The following CCPG1 variants were observed in gnomAD, a reference collection of about 807,000 sequenced individuals.
CCPG1 encodes the protein cell cycle progression protein 1.
Under a neutral mutation model 81.3 loss-of-function variants are expected in CCPG1, and 46 were observed. The ratio of observed to expected loss-of-function variants is 0.57; its 90% confidence interval spans 0.45 to 0.72. The LOEUF is 0.72. Among genes scored for constraint, CCPG1 ranks in the 30% least tolerant of loss-of-function variants. CCPG1 has a pLI of 0.00. For synonymous variants in CCPG1, 330 were observed against 305.2 expected (o/e 1.08, Z -0.85); for missense variants, 902 against 937.6 (o/e 0.96, Z 0.50).
At position 55,380,229 on chromosome 15, in the gene CCPG1, T is replaced by C. The variant is rs115706160; in HGVS notation, c.176-1853A>G. 4.7e-3 allele frequency among the ~76,000 whole-genome samples: 707 copies of C among 150,788 alleles called. 9 individuals are homozygous for C. Among genetic ancestry groups the C allele is most frequent in the African/African-American group, 0.017 (675 of 40,490 alleles). On this transcript the variant is annotated intron_variant, in intron 3 of 8. Transcript: ENST00000442196. Reference sequence around the variant, plus strand: ...TTCTAGATAAAAGAATTATAGACCATTTTAAATTTCTTTTGCTTACTATTT... The same window carrying C: ...TTCTAGATAAAAGAATTATAGACCACTTTAAATTTCTTTTGCTTACTATTT...
chr15:55,378,159 T>A (rs2056604736), intron 4 of CCPG1, 141 bp downstream of exon 4: 1 of 473,200 alleles, frequency 2.1e-6, no homozygotes, highest in Non-Finnish European at 3.7e-6. Context: ...TGCTTAGATG[T>A]CCTCTAAGAC....
At chr15:55,408,060 C>T (rs896511199) in intron 1 of CCPG1, 161 bp downstream of exon 1, 1 of 152,486 alleles carries the variant, frequency 6.6e-6, no homozygotes, top group African/African-American at 2.4e-5. Flanking sequence ...GGAGGTCGCC[C>T]GTGCGGCCGC....
Position 55,356,332 on chromosome 15 carries a change from G to C in CCPG1, c.2312C>G (p.Pro771Arg). Reference protein sequence around the residue: ...HRKQEQKHLQPQPYKREGKWH... With the variant: ...HRKQEQKHLQRQPYKREGKWH... ...TTTACCTTCCCTTTTATAAGGCTGT[G>C]GCTGAAGGTGCTTCTGCTCTTGTTT... The change falls in exon 9 of 9, where the codon CCA (proline) becomes CGA (arginine). Residue 771 changes from proline to arginine, a missense_variant. Coordinates refer to ENST00000442196, the MANE Select transcript of CCPG1 (RefSeq NM_001204450.2). 1 of 1,535,554 alleles carries C rather than the reference G, an allele frequency of 6.5e-7. No individual in the cohort carries two copies. Among genetic ancestry groups the C allele is most frequent in the Non-Finnish European group, 8.7e-7 (1 of 1,146,760 alleles).
At position 55,368,119 on chromosome 15, in the gene CCPG1, A is replaced by G. The variant is rs544858310; in HGVS notation, c.707-2810T>C. On this transcript the variant is annotated intron_variant, in intron 6 of 8. Coordinates refer to ENST00000442196, the MANE Select transcript of CCPG1 (RefSeq NM_001204450.2). ...CAGGTATATGGAGAGGTGACTTTTCATATATGTGAGGTCCGCAGTCAAGGG... is the reference window on the plus strand; with the variant it reads ...CAGGTATATGGAGAGGTGACTTTTCGTATATGTGAGGTCCGCAGTCAAGGG... Among the ~76,000 whole-genome samples, 3 of 152,316 alleles carry G rather than the reference A, an allele frequency of 2.0e-5. No homozygotes were observed. In the East Asian group the frequency reaches 5.8e-4, roughly 29 times the overall value.
intron 2 of CCPG1, 50 bp downstream of exon 2, chr15:55,389,315 G>A (rs2056867777): frequency 1.6e-6 from 2 of 1,259,718 alleles, no homozygotes; most frequent in South Asian, 1.2e-5. Context: ...TTACATCACT[G>A]GTAACATTAA....
chr15:55,356,266 T>C lies in CCPG1; in HGVS notation c.2378A>G (p.Asn793Ser). The part of the protein sequence containing the change: ...YGRTNGRQMA[N>S]LEIELGQLPF... ...TAATTGCCCCAATTCTATTTCAAGA[T>C]TTGCCATTTGTCTTCCATTAGTGCG... is the stretch of plus-strand genomic sequence containing the variant. Residue 793 changes from asparagine to serine, a missense_variant, in exon 9 of 9, where the codon AAT becomes AGT. Asn to Ser is a conservative substitution (Grantham distance 46). Coordinates refer to ENST00000442196, the MANE Select transcript of CCPG1 (RefSeq NM_001204450.2). 2.0e-6 allele frequency: 3 copies of C among 1,535,078 alleles called. No homozygotes were observed. Among genetic ancestry groups the C allele is most frequent in the Non-Finnish European group, 2.6e-6 (3 of 1,146,462 alleles).
intron 6 of CCPG1, among the ~76,000 whole-genome samples, chr15:55,369,356 A>C (rs1463411402): frequency 6.6e-6 from 1 of 151,990 alleles, no homozygotes; most frequent in Non-Finnish European, 1.5e-5. Context: ...ACCAACATGG[A>C]GAAACCCCAT....
intron 6 of CCPG1, among the ~76,000 whole-genome samples, chr15:55,370,201 C>T (rs1410882981): frequency 2.6e-5 from 4 of 152,146 alleles, no homozygotes; most frequent in South Asian, 4.1e-4. Flanking sequence ...TCTAACATTA[C>T]GCTATGTTGA....
intron 1 of CCPG1, among the ~76,000 whole-genome samples, chr15:55,402,564 C>T (rs185926603): frequency 1.3e-3 from 198 of 152,200 alleles, no homozygotes; most frequent in African/African-American, 4.5e-3. Flanking sequence ...TTTTCTTTAT[C>T]GTAAATATTC....
At chr15:55,393,603 C>G (rs150867484) in intron 1 of CCPG1, among the ~76,000 whole-genome samples, 19 of 152,118 alleles carry the variant, frequency 1.2e-4, no homozygotes, top group African/African-American at 4.3e-4. Flanking sequence ...TTGAAGAGAT[C>G]TGAGAAGACA....
At chr15:55,377,270 C>T (rs2056586208) in intron 4 of CCPG1, 120 bp from the exon 5 acceptor site, 2 of 699,504 alleles carry the variant, frequency 2.9e-6, no homozygotes, top group Non-Finnish European at 4.7e-6. Flanking sequence ...AGATATGATT[C>T]CTACTATTAG....
intron 1 of CCPG1, among the ~76,000 whole-genome samples, chr15:55,391,602 GA>G (rs1443913304): frequency 6.6e-6 from 1 of 152,104 alleles, no homozygotes; most frequent in African/African-American, 2.4e-5. Context: ...AATGATCAAG[GA>G]AATCTCTATA....
chr15:55,398,059 G>C (rs2057056407), intron 1 of CCPG1, among the ~76,000 whole-genome samples: 1 of 152,160 alleles, frequency 6.6e-6, no homozygotes, highest in Non-Finnish European at 1.5e-5. Flanking sequence ...TCACATCCAA[G>C]AGGAAACATA....
intron 1 of CCPG1, among the ~76,000 whole-genome samples, chr15:55,392,960 C>T (rs1285831486): frequency 2.0e-5 from 3 of 152,112 alleles, no homozygotes; most frequent in South Asian, 2.1e-4. Context: ...AAAAATTAGC[C>T]GGGCATGGTG....
chr15:55,401,954 A>G (rs932304676), intron 1 of CCPG1, among the ~76,000 whole-genome samples: 1 of 152,100 alleles, frequency 6.6e-6, no homozygotes, highest in Non-Finnish European at 1.5e-5. Flanking sequence ...GGACAACCCT[A>G]ACTCCATGTC....
At chr15:55,397,496 A>C (rs984730644) in intron 1 of CCPG1, among the ~76,000 whole-genome samples, 6 of 152,146 alleles carry the variant, frequency 3.9e-5, no homozygotes, top group Non-Finnish European at 8.8e-5. Context: ...TTTGGACTAG[A>C]ATGGTGGCAG....
intron 1 of CCPG1, among the ~76,000 whole-genome samples, chr15:55,405,575 T>C (rs1464172304): frequency 6.6e-5 from 10 of 151,946 alleles, no homozygotes; most frequent in African/African-American, 2.4e-4. Context: ...CTAGGCCTGG[T>C]GACATGTGCC....
chr15:55,372,147 A>G (rs2056462622), intron 5 of CCPG1, 103 bp from the exon 6 acceptor site: 1 of 1,136,348 alleles, frequency 8.8e-7, no homozygotes, highest in South Asian at 1.6e-5. Flanking sequence ...ATGCCTTTCT[A>G]CATAAGATAG....
Position 55,356,252 on chromosome 15 carries a change from A to G in CCPG1, c.2392T>C (p.Leu798=), listed in dbSNP as rs1390850858. The change falls in exon 9 of 9, where the codon TTG becomes CTG. Residue 798 remains leucine, a synonymous_variant. Coordinates refer to ENST00000442196, the MANE Select transcript of CCPG1 (RefSeq NM_001204450.2). ...GRQMANLEIE[L]GQLPFDPQY ...TGAGGATCAAAAGGTAATTGCCCCA[A>G]TTCTATTTCAAGATTTGCCATTTGT... 2.0e-6 allele frequency: 3 copies of G among 1,534,932 alleles called. No individual in the cohort carries two copies. Among genetic ancestry groups the G allele is most frequent in the Non-Finnish European group, 2.6e-6 (3 of 1,146,500 alleles).
Sources: allele counts gnomAD v4.1 joint callset (sites outside exome capture counted in the v4.1 genomes callset), GRCh38; gene constraint gnomAD v4.1.1; transcripts MANE v1.5; gene names NCBI Gene and HGNC (gene_info 2026-07-23, HGNC 2026-07-21).